The following PLEKHG7 variants were observed in gnomAD, a reference collection of about 807,000 sequenced individuals.
PLEKHG7 encodes the protein pleckstrin homology and RhoGEF domain containing G7, also known as pleckstrin homology domain-containing family G member 7.
A neutral mutation model predicts 85.2 loss-of-function variants in PLEKHG7; 77 were observed. The ratio of observed to expected loss-of-function variants is 0.90; its 90% CI spans 0.75 to 1.09. The LOEUF (loss-of-function observed/expected upper bound fraction) is 1.09. Among genes scored for constraint, PLEKHG7 ranks in the 50% least tolerant of loss-of-function variants. The pLI is 0.00. For synonymous variants in PLEKHG7, 301 were observed against 302.4 expected (o/e 1.00, Z 0.05); for missense variants, 777 against 804.3 (o/e 0.97, Z 0.41).
chr12:92,760,107 T>C (rs770281492), intron 13 of PLEKHG7, among the ~76,000 whole-genome samples: 1 of 152,100 alleles, frequency 6.6e-6, no homozygotes. Flanking sequence ...CCTTCACGAA[T>C]ATGACTCAGA....
At chr12:92,756,247 C>A in intron 12 of PLEKHG7, 51 bp from the exon 13 acceptor site, 2 of 1,379,940 alleles carry the variant, frequency 1.4e-6, no homozygotes, top group Non-Finnish European at 1.0e-6. Context: ...TAAACATGTT[C>A]TCTTCCAATC....
In PLEKHG7 at chr12:92,719,467, G is replaced by C. The variant is rs142536824; in HGVS notation, c.531-9526G>C. ...CATTTACCATGAACTCTTACTACCA[G>C]ACAAGGACTATAGTTTCTGATGAAT... is the stretch of plus-strand genomic sequence containing the variant. On this transcript the variant is annotated intron_variant, in intron 3 of 16. Coordinates refer to ENST00000344636, the MANE Select transcript of PLEKHG7 (RefSeq NM_001377329.1). Among the ~76,000 whole-genome samples, 353 of 152,272 alleles carry C rather than the reference G, an allele frequency of 2.3e-3. 1 individual carries two copies. The highest frequency in any genetic ancestry group is 7.9e-3 in the African/African-American group (328 of 41,546).
At chr12:92,759,791 T>G (rs953790185) in intron 13 of PLEKHG7, among the ~76,000 whole-genome samples, 3 of 152,234 alleles carry the variant, frequency 2.0e-5, no homozygotes. Flanking sequence ...GGTATTTTGC[T>G]ATGGCAGGCT....
chr12:92,768,831 T>TAA, intron 15 of PLEKHG7, 152 bp from the exon 16 acceptor site: 1 of 521,816 alleles, frequency 1.9e-6, no homozygotes. Flanking sequence ...AAATAAAATT[T>TAA]AAAAAAAAAT....
In PLEKHG7 at chr12:92,727,927, G is replaced by GGTGTGTGTGTGT. The variant is rs540230230; in HGVS notation, c.531-1041_531-1030dup. On this transcript the variant is annotated intron_variant, in intron 3 of 16. Transcript: ENST00000344636. ...TTTTTATGGCTGCATGGTATTCTAT[G>GGTGTGTGTGTGT]GTGTGTGTGTGTGTGTGTGTGTGTG... Among the ~76,000 whole-genome samples the GGTGTGTGTGTGT allele has an allele frequency of 1.2e-3, 103 of 84,986 alleles. 3 individuals are homozygous for GGTGTGTGTGTGT. Among genetic ancestry groups the GGTGTGTGTGTGT allele is most frequent in the Middle Eastern group, 0.013 (2 of 156 alleles). 55.8% of individuals were successfully genotyped at this position (84,986 alleles called of 152,430 possible).
At chr12:92,723,810 G>A (rs1044754038) in intron 3 of PLEKHG7, among the ~76,000 whole-genome samples, 1 of 152,056 alleles carries the variant, frequency 6.6e-6, no homozygotes, top group African/African-American at 2.4e-5. Context: ...GAAGGGGTTG[G>A]GGAAGATGAA....
chr12:92,754,133 A>G lies in PLEKHG7; in HGVS notation c.1295A>G (p.Glu432Gly). The stretch of plus-strand genomic sequence containing the variant: ...CAATGCAGACGGCTCCACGTGCCAG[A>G]GCTGCTAGTGGCCCCACTACAGAGG... ...NEQCRRLHVPELLVAPLQRLT... is the reference protein window; with the variant it reads ...NEQCRRLHVPGLLVAPLQRLT... The change falls in exon 11 of 17, where the codon GAG becomes GGG. Residue 432 changes from glutamate (E) to glycine (G), a missense_variant. Coordinates refer to ENST00000344636, the MANE Select transcript of PLEKHG7 (RefSeq NM_001377329.1). 1 of 1,614,018 alleles carries G rather than the reference A, an allele frequency of 6.2e-7. No individual in the cohort carries two copies. Among genetic ancestry groups the G allele is most frequent in the Non-Finnish European group, 8.5e-7 (1 of 1,179,932 alleles).
intron 15 of PLEKHG7, 151 bp downstream of exon 15, chr12:92,764,345 TTA>T: frequency 1.3e-6 from 1 of 769,982 alleles, no homozygotes; most frequent in East Asian, 2.9e-5. Context: ...ACTCTATGAA[TTA>T]GTTATGGTGT....
At chr12:92,727,833 C>T (rs140278667) in intron 3 of PLEKHG7, among the ~76,000 whole-genome samples, 42 of 151,776 alleles carry the variant, frequency 2.8e-4, no homozygotes, top group Non-Finnish European at 3.1e-4. Context: ...TCAGATGATA[C>T]GCTCACCTTG....
chr12:92,723,835 C>T (rs188747882), intron 3 of PLEKHG7, among the ~76,000 whole-genome samples: 135 of 152,280 alleles, frequency 8.9e-4, no homozygotes, highest in African/African-American at 2.8e-3. Flanking sequence ...TCCACCCCAA[C>T]AGTAGTTACA....
At chr12:92,728,735 G>T (rs535459806) in intron 3 of PLEKHG7, among the ~76,000 whole-genome samples, 1 of 151,910 alleles carries the variant, frequency 6.6e-6, no homozygotes, top group Non-Finnish European at 1.5e-5. Context: ...TTTATATTAT[G>T]ATTTCTTTTC....
intron 2 of PLEKHG7, 72 bp from the exon 3 acceptor site, chr12:92,707,578 C>A: frequency 6.3e-7 from 1 of 1,575,658 alleles, no homozygotes; most frequent in South Asian, 1.2e-5. Flanking sequence ...TTTCTCCTTT[C>A]AACATGTTTG....
At chr12:92,707,195 T>C in intron 2 of PLEKHG7, 57 bp downstream of exon 2, 5 of 1,547,908 alleles carry the variant, frequency 3.2e-6, no homozygotes, top group Non-Finnish European at 3.5e-6. Context: ...GCAAAATAGA[T>C]CTCAGAGTTG....
intron 3 of PLEKHG7, among the ~76,000 whole-genome samples, chr12:92,712,664 C>T (rs529201806): frequency 6.2e-4 from 95 of 152,210 alleles, no homozygotes; most frequent in African/African-American, 2.2e-3. Flanking sequence ...ATTTTTCTAG[C>T]TAGAGGTAGC....
In PLEKHG7 at chr12:92,740,047, C is replaced by G. The variant is rs1419767891; in HGVS notation, c.940-806C>G. Among the ~76,000 whole-genome samples, 5 of 152,112 alleles carry G rather than the reference C, an allele frequency of 3.3e-5. No homozygotes were observed. The East Asian group carries it at 9.6e-4, about 29-fold the overall frequency. On this transcript the variant is annotated intron_variant, in intron 7 of 16. Coordinates refer to ENST00000344636, the MANE Select transcript of PLEKHG7 (RefSeq NM_001377329.1). ...TTGCCAGGTGATTCCGATGCAAGTTCAAGAACCACTCATTACACTAATGAA... is the reference window on the plus strand; with the variant it reads ...TTGCCAGGTGATTCCGATGCAAGTTGAAGAACCACTCATTACACTAATGAA...
chr12:92,716,159 C>CA (rs1871487460), intron 3 of PLEKHG7, among the ~76,000 whole-genome samples: 1 of 152,068 alleles, frequency 6.6e-6, no homozygotes, highest in Non-Finnish European at 1.5e-5. Flanking sequence ...TGCATTGGTA[C>CA]AATCTCAGCT....
intron 3 of PLEKHG7, among the ~76,000 whole-genome samples, chr12:92,727,095 A>G (rs76004088): frequency 0.067 from 10,176 of 152,196 alleles, 411 homozygotes; most frequent in African/African-American, 0.096. Flanking sequence ...AGGCTGGAAG[A>G]GGTGGTGAGT....
chr12:92,745,626 C>A, intron 10 of PLEKHG7, 35 bp downstream of exon 10: 1 of 1,499,304 alleles, frequency 6.7e-7, no homozygotes, highest in Non-Finnish European at 9.3e-7. Flanking sequence ...TGTATTTTTG[C>A]TGATGCTTTT....
chr12:92,704,130 A>G (rs1871164067), intron 1 of PLEKHG7, among the ~76,000 whole-genome samples: 1 of 152,148 alleles, frequency 6.6e-6, no homozygotes, highest in Non-Finnish European at 1.5e-5. Flanking sequence ...GTGGGGTGGT[A>G]AGCATCCATA....
Sources: gnomAD v4.1 joint callset for allele counts (sites outside exome capture counted in the v4.1 genomes callset) on GRCh38, gnomAD v4.1.1 for gene constraint, MANE v1.5 for transcripts, NCBI Gene and HGNC (gene_info 2026-07-23, HGNC 2026-07-21) for gene names.